Variants in ADAMTS19 observed in about 807,000 individuals in gnomAD.
ADAMTS19 encodes the protein A disintegrin and metalloproteinase with thrombospondin motifs 19.
Under a neutral mutation model 153.3 loss-of-function variants are expected in ADAMTS19, and 93 were observed. The ratio of observed to expected loss-of-function variants is 0.61; its 90% CI spans 0.51 to 0.72. The LOEUF (loss-of-function observed/expected upper bound fraction) is 0.72. ADAMTS19 is among the 30% of genes least tolerant of loss of function. The pLI is 0.00. For missense variants in ADAMTS19, 1,482 were observed against 1,552.1 expected (o/e 0.95, Z 0.76); for synonymous variants, 600 against 556.6 (o/e 1.08, Z -1.10).
chr5:129,601,652 C>T (rs1255020005), intron 8 of ADAMTS19, among the ~76,000 whole-genome samples: 2 of 152,186 alleles, frequency 1.3e-5, no homozygotes, highest in Non-Finnish European at 2.9e-5. Flanking sequence ...GTCCAGGAGA[C>T]ACCAGGCTCA....
chr5:129,705,780 T>C (rs1317158479), intron 21 of ADAMTS19, among the ~76,000 whole-genome samples: 4 of 152,190 alleles, frequency 2.6e-5, no homozygotes, highest in African/African-American at 9.7e-5. Flanking sequence ...AGCAGGATAA[T>C]AGGGAAAGAC....
At chr5:129,593,031 G>A (rs1037236566) in intron 7 of ADAMTS19, among the ~76,000 whole-genome samples, 2 of 151,782 alleles carry the variant, frequency 1.3e-5, no homozygotes, top group Non-Finnish European at 2.9e-5. Flanking sequence ...TTTTTTACAT[G>A]ACCACATGAT....
At chr5:129,712,872 C>T (rs377647687) in intron 21 of ADAMTS19, among the ~76,000 whole-genome samples, 73 of 152,142 alleles carry the variant, frequency 4.8e-4, no homozygotes, top group African/African-American at 1.7e-3. Flanking sequence ...GCAACACATA[C>T]ATAAGTATAA....
intron 10 of ADAMTS19, among the ~76,000 whole-genome samples, chr5:129,624,349 C>T (rs1299539224): frequency 2.0e-5 from 3 of 152,046 alleles, no homozygotes; most frequent in African/African-American, 7.2e-5. Flanking sequence ...CTGCTTTCAC[C>T]TCTGAGTCTT....
At chr5:129,667,214 T>C (rs929809999) in intron 16 of ADAMTS19, among the ~76,000 whole-genome samples, 2 of 152,184 alleles carry the variant, frequency 1.3e-5, no homozygotes, top group Non-Finnish European at 2.9e-5. Context: ...TACTGGTCTC[T>C]TTTGTGAGGT....
At chr5:129,473,983 T>C (rs985681449) in intron 2 of ADAMTS19, among the ~76,000 whole-genome samples, 2 of 152,184 alleles carry the variant, frequency 1.3e-5, no homozygotes, top group African/African-American at 4.8e-5. Context: ...TTAGTTCATT[T>C]ACAGAATTGT....
At chr5:129,707,143 A>T (rs907540599) in intron 21 of ADAMTS19, among the ~76,000 whole-genome samples, 1 of 152,196 alleles carries the variant, frequency 6.6e-6, no homozygotes, top group African/African-American at 2.4e-5. Flanking sequence ...TGTGAGACCC[A>T]CTTTAAGGAG....
chr5:129,495,404 A>T (rs563550426), intron 2 of ADAMTS19, among the ~76,000 whole-genome samples: 39 of 152,138 alleles, frequency 2.6e-4, no homozygotes, highest in Non-Finnish European at 4.1e-4. Flanking sequence ...GAAGAAGGAC[A>T]ATAAGCCCAT....
chr5:129,600,934 A>C (rs1750620494), intron 8 of ADAMTS19, among the ~76,000 whole-genome samples: 1 of 151,892 alleles, frequency 6.6e-6, no homozygotes, highest in Admixed American at 6.6e-5. Flanking sequence ...CAGTGGCTCG[A>C]TCTCTGCTCA....
rs1467978229 is a variant in ADAMTS19 at position 129,561,530 on chromosome 5, C to T, written c.1372+9623C>T. ...TGGCCTGGGTGACAGAGCGAGACTC[C>T]GTCTCAAAAAAAAAAAAAAAAGAAA... is the stretch of plus-strand genomic sequence containing the variant. On this transcript the variant is annotated intron_variant, in intron 7 of 22. Transcript: ENST00000274487. 6.3e-5 allele frequency among the ~76,000 whole-genome samples: 9 copies of T among 143,510 alleles called. No individual in the cohort carries two copies. In the South Asian group the frequency reaches 6.5e-4, roughly 10 times the overall value. 94.1% of individuals were successfully genotyped at this position (143,510 alleles called of 152,430 possible).
rs187665127 is a variant in ADAMTS19, at chr5:129,529,329, G to A, written c.1328+652G>A. Reference sequence around the variant, plus strand: ...AATTTTAGTCATCAAAAGTGTTAGCGTTTCACATCACAGTAGCGTAAATTA... The same window carrying A: ...AATTTTAGTCATCAAAAGTGTTAGCATTTCACATCACAGTAGCGTAAATTA... On this transcript the variant is annotated intron_variant, in intron 6 of 22. Coordinates refer to ENST00000274487, the MANE Select transcript of ADAMTS19 (RefSeq NM_133638.6). Among the ~76,000 whole-genome samples, 66 of 152,150 alleles carry A rather than the reference G, an allele frequency of 4.3e-4. 1 individual carries two copies. In the East Asian group the frequency reaches 0.012, roughly 27 times the overall value.
intron 2 of ADAMTS19, among the ~76,000 whole-genome samples, chr5:129,484,425 T>C (rs1020371965): frequency 1.3e-5 from 2 of 152,170 alleles, no homozygotes; most frequent in Non-Finnish European, 2.9e-5. Context: ...CCATTCATAT[T>C]TTTATAATTT....
chr5:129,737,082 A>C lies in ADAMTS19; in HGVS notation c.3506A>C (p.Lys1169Thr). The change falls in exon 23 of 23, where the codon AAG becomes ACG. Residue 1169 changes from lysine (K) to threonine (T), a missense_variant. Around this residue, in one of 2 missense-constraint regions of ADAMTS19, gnomAD observed 616 missense variants for 724.4 expected, o/e 0.85. Transcript: ENST00000274487. The stretch of plus-strand genomic sequence containing the variant: ...TGTTTCACAGCTGCTCTGACTTTCA[A>C]GTGCCTGGGAGATCAGTGGCCAGTG... ...TSPRLAALTFKCLGDQWPVYC... is the reference protein window; with the variant it reads ...TSPRLAALTFTCLGDQWPVYC... 1.3e-6 allele frequency: 2 copies of C among 1,591,960 alleles called. No homozygotes were observed. The highest frequency in any genetic ancestry group is 1.7e-6 in the Non-Finnish European group (2 of 1,165,936).
At chr5:129,598,413 C>T (rs1030686940) in intron 8 of ADAMTS19, among the ~76,000 whole-genome samples, 15 of 152,224 alleles carry the variant, frequency 9.9e-5, no homozygotes, top group African/African-American at 3.4e-4. Flanking sequence ...TTAGAAGAAA[C>T]AATTTACATT....
intron 6 of ADAMTS19, among the ~76,000 whole-genome samples, chr5:129,548,650 A>G (rs957153869): frequency 6.6e-6 from 1 of 151,900 alleles, no homozygotes; most frequent in Non-Finnish European, 1.5e-5. Context: ...TAGAAATACC[A>G]TTTGACCCAG....
chr5:129,625,606 T>A (rs1224349127), intron 10 of ADAMTS19, among the ~76,000 whole-genome samples: 1 of 152,238 alleles, frequency 6.6e-6, no homozygotes, highest in Non-Finnish European at 1.5e-5. Flanking sequence ...ATAATGAGCA[T>A]TTTTTCATGT....
chr5:129,483,915 A>C (rs1473146419), intron 2 of ADAMTS19, among the ~76,000 whole-genome samples: 1 of 152,094 alleles, frequency 6.6e-6, no homozygotes, highest in Non-Finnish European at 1.5e-5. Context: ...GGGTGGGGAG[A>C]CACAGGGCTT....
chr5:129,523,442 GACATCA>G (rs1751895328), intron 3 of ADAMTS19, among the ~76,000 whole-genome samples: 1 of 152,162 alleles, frequency 6.6e-6, no homozygotes, highest in Non-Finnish European at 1.5e-5. Flanking sequence ...GCAGCTTAGA[GACATCA>G]ACAGAATATG....
At chr5:129,593,230 T>G (rs1750227123) in intron 7 of ADAMTS19, among the ~76,000 whole-genome samples, 1 of 152,190 alleles carries the variant, frequency 6.6e-6, no homozygotes, top group Admixed American at 6.5e-5. Context: ...CTTAGCATCT[T>G]AAAGCTGTGA....
Sources: allele counts gnomAD v4.1 joint callset (sites outside exome capture counted in the v4.1 genomes callset), GRCh38; gene constraint gnomAD v4.1.1; regional missense constraint gnomAD v4.1.1; transcripts MANE v1.5; gene names NCBI Gene and HGNC (gene_info 2026-07-23, HGNC 2026-07-21).